The following KALRN variants were observed in gnomAD, a reference collection of about 807,000 sequenced individuals.
KALRN encodes kalirin.
A neutral mutation model predicts 353.7 loss-of-function variants in KALRN; 70 were observed. That is an observed-to-expected ratio of 0.20 (90% CI 0.16 to 0.24). The LOEUF (loss-of-function observed/expected upper bound fraction) is 0.24. KALRN is among the 10% of genes least tolerant of loss of function. The pLI, the probability that KALRN is intolerant of heterozygous loss-of-function variation, is 1.00. For missense variants in KALRN, 2,791 were observed against 3,756.7 expected, an observed-to-expected ratio of 0.74 and a Z score of 6.72; for synonymous variants, 1,391 against 1,434.8, an observed-to-expected ratio of 0.97 and a Z score of 0.69.
At chr3:124,479,522 A>C (rs891504727) in intron 27 of KALRN, among the ~76,000 whole-genome samples, 3 of 152,192 alleles carry the variant, frequency 2.0e-5, no homozygotes, top group Non-Finnish European at 2.9e-5. Flanking sequence ...TCCAAAAGGC[A>C]TAATCTTTGT....
intron 5 of KALRN, among the ~76,000 whole-genome samples, chr3:124,280,113 G>A (rs1196418585): frequency 6.6e-6 from 1 of 152,216 alleles, no homozygotes; most frequent in Non-Finnish European, 1.5e-5. Flanking sequence ...CTGGCAAATG[G>A]TTCAGGTCTT....
chr3:124,398,453 G>A (rs907341636), intron 12 of KALRN, among the ~76,000 whole-genome samples: 3 of 152,098 alleles, frequency 2.0e-5, no homozygotes, highest in South Asian at 2.1e-4. Flanking sequence ...CCTGCTTGAG[G>A]AGTAGGAGAA....
intron 10 of KALRN, among the ~76,000 whole-genome samples, chr3:124,376,187 G>A (rs1048301886): frequency 2.0e-5 from 3 of 152,158 alleles, no homozygotes; most frequent in African/African-American, 7.2e-5. Context: ...GTGTTGGGAG[G>A]TATTGGCACC....
intron 33 of KALRN, among the ~76,000 whole-genome samples, chr3:124,511,912 T>C (rs1040615628): frequency 2.0e-5 from 3 of 152,206 alleles, no homozygotes; most frequent in Admixed American, 6.5e-5. Context: ...TCCTTCTGGT[T>C]TGCTATTGTT....
chr3:124,356,480 C>T (rs1367748743), intron 10 of KALRN, among the ~76,000 whole-genome samples: 1 of 151,780 alleles, frequency 6.6e-6, no homozygotes, highest in Non-Finnish European at 1.5e-5. Flanking sequence ...ATTACAGGTG[C>T]CCGCCACCAC....
chr3:124,396,548 GC>G (rs1243585561), intron 12 of KALRN, among the ~76,000 whole-genome samples: 1 of 152,198 alleles, frequency 6.6e-6, no homozygotes, highest in African/African-American at 2.4e-5. Context: ...ACCTCTCTGG[GC>G]CTCAGCTGCT....
intron 52 of KALRN, 129 bp from the exon 53 acceptor site, chr3:124,694,203 G>T: frequency 1.1e-6 from 1 of 875,140 alleles, no homozygotes. Context: ...ACTCACCAGT[G>T]TTATACTGAA....
intron 5 of KALRN, among the ~76,000 whole-genome samples, chr3:124,285,257 G>T (rs1017422960): frequency 1.3e-5 from 2 of 152,138 alleles, no homozygotes; most frequent in African/African-American, 2.4e-5. Context: ...AGAAGGAGTA[G>T]TATATCCTTC....
chr3:124,444,387 C>A (rs890423273), intron 19 of KALRN, among the ~76,000 whole-genome samples: 5 of 152,160 alleles, frequency 3.3e-5, no homozygotes, highest in Non-Finnish European at 7.4e-5. Flanking sequence ...TTTGCTAAAG[C>A]AAGTTATGTA....
intron 38 of KALRN, among the ~76,000 whole-genome samples, chr3:124,652,096 T>C (rs888127021): frequency 6.6e-6 from 1 of 152,202 alleles, no homozygotes; most frequent in Non-Finnish European, 1.5e-5. Flanking sequence ...CCTGCCTTTC[T>C]CTCTCAAATT....
chr3:124,526,081 C>T (rs1474796147), intron 33 of KALRN, among the ~76,000 whole-genome samples: 1 of 152,172 alleles, frequency 6.6e-6, no homozygotes, highest in Admixed American at 6.5e-5. Context: ...GCCATCCCAG[C>T]ATTTCTGGCT....
chr3:124,666,959 T>A, intron 46 of KALRN, 53 bp from the exon 47 acceptor site: 1 of 1,538,302 alleles, frequency 6.5e-7, no homozygotes, highest in South Asian at 1.2e-5. Flanking sequence ...AATATGTTGC[T>A]GATTTTTAAA....
intron 3 of KALRN, among the ~76,000 whole-genome samples, chr3:124,260,703 A>AGG (rs1175723137): frequency 6.6e-6 from 1 of 150,428 alleles, no homozygotes; most frequent in Non-Finnish European, 1.5e-5. Context: ...CCTGGGGTGG[A>AGG]GGGGGTGGGG....
At chr3:124,253,042 C>T (rs1046219474) in intron 3 of KALRN, among the ~76,000 whole-genome samples, 1 of 152,184 alleles carries the variant, frequency 6.6e-6, no homozygotes, top group African/African-American at 2.4e-5. Context: ...GATAATGTGT[C>T]TTTAACACTT....
rs937308491 is a variant in KALRN at position 124,162,939 on chromosome 3, T to C, written c.74-65051T>C. On this transcript the variant is annotated intron_variant, in intron 1 of 59. Coordinates refer to ENST00000682506, the MANE Select transcript of KALRN (RefSeq NM_001388419.1). ...GATGGAGATGACACCAGTACCTCCTTCTAGCACTCTGAATTCCCAATGTTT... is the reference window on the plus strand; with the variant it reads ...GATGGAGATGACACCAGTACCTCCTCCTAGCACTCTGAATTCCCAATGTTT... The C allele has an allele frequency of 4.6e-5, 7 of 152,200 alleles. No homozygotes were observed. In the East Asian group the frequency reaches 1.3e-3, roughly 29 times the overall value. The allele number at this position is 152,200 out of a possible 1,614,324, so 9.4% of individuals were successfully genotyped here.
At chr3:124,095,245 G>T (rs1222580269) in intron 1 of KALRN, among the ~76,000 whole-genome samples, 1 of 152,178 alleles carries the variant, frequency 6.6e-6, no homozygotes, top group Non-Finnish European at 1.5e-5. Flanking sequence ...TCTCTGAGAA[G>T]CAGTGCAGAA....
intron 34 of KALRN, among the ~76,000 whole-genome samples, chr3:124,626,381 A>C (rs1454771360): frequency 6.6e-6 from 1 of 152,214 alleles, no homozygotes; most frequent in African/African-American, 2.4e-5. Context: ...TTTTTAAAAA[A>C]CTTGGAGTAA....
At chr3:124,647,252 G>A (rs555919917) in intron 37 of KALRN, among the ~76,000 whole-genome samples, 12 of 152,056 alleles carry the variant, frequency 7.9e-5, no homozygotes, top group African/African-American at 2.7e-4. Context: ...CTTATGATCT[G>A]ATCCCTGCAA....
chr3:124,715,090 C>T (rs975564120), intron 58 of KALRN, among the ~76,000 whole-genome samples: 2 of 150,902 alleles, frequency 1.3e-5, no homozygotes, highest in African/African-American at 4.9e-5. Context: ...ATGAGGAAGA[C>T]CAATAGATAG....
Sources: allele counts gnomAD v4.1 joint callset (sites outside exome capture counted in the v4.1 genomes callset), GRCh38; gene constraint gnomAD v4.1.1; transcripts MANE v1.5; gene names NCBI Gene and HGNC (gene_info 2026-07-23, HGNC 2026-07-21).